Variants in HDAC4 observed in about 807,000 individuals in gnomAD.
HDAC4 encodes histone deacetylase A.
HDAC4 carries 16 observed loss-of-function variants against 135.1 expected under a neutral mutation model. The observed-to-expected ratio is 0.12, with a 90% CI of 0.08 to 0.18. HDAC4 has a LOEUF of 0.18. HDAC4 is among the 10% of genes least tolerant of loss of function. The pLI, the probability that HDAC4 is intolerant of heterozygous loss-of-function variation, is 1.00. For missense variants in HDAC4, 1,143 were observed against 1,511.8 expected, an observed-to-expected ratio of 0.76 and a Z score of 4.05; for synonymous variants, 685 against 653.4, an observed-to-expected ratio of 1.05 and a Z score of -0.74.
At position 239,209,927 on chromosome 2, in the gene HDAC4, C is replaced by T. The variant is rs142815317; in HGVS notation, c.95-19850G>A. Among the ~76,000 whole-genome samples the T allele has an allele frequency of 3.5e-3, 537 of 152,248 alleles. 2 individuals carry two copies. The highest frequency in any genetic ancestry group is 0.012 in the African/African-American group (492 of 41,534). ...GTGAGGGCGGAAAGGCAAATCAGAC[C>T]CCTGGAGACCCCACTTTACGCCCAC... On this transcript the variant is annotated intron_variant, in intron 3 of 26. Coordinates refer to ENST00000543185, the MANE Select transcript of HDAC4 (RefSeq NM_001378414.1).
intron 3 of HDAC4, among the ~76,000 whole-genome samples, chr2:239,204,382 C>T (rs1306771755): frequency 1.3e-5 from 2 of 152,206 alleles, no homozygotes; most frequent in Admixed American, 6.5e-5. Context: ...CACAGGGCTC[C>T]GTAGGGAAGG....
At chr2:239,137,023 G>A (rs1396312010) in intron 9 of HDAC4, among the ~76,000 whole-genome samples, 3 of 146,878 alleles carry the variant, frequency 2.0e-5, no homozygotes, top group Non-Finnish European at 2.9e-5. Context: ...TTATGCTGTA[G>A]AGGAAATGCT....
intron 1 of HDAC4, among the ~76,000 whole-genome samples, chr2:239,380,346 A>G (rs1575782395): frequency 5.5e-5 from 1 of 18,280 alleles, no homozygotes; most frequent in African/African-American, 1.5e-4. Flanking sequence ...AATTATACAT[A>G]TGTTATAAAT....
At chr2:239,350,873 C>G (rs567553028) in intron 2 of HDAC4, among the ~76,000 whole-genome samples, 14 of 152,286 alleles carry the variant, frequency 9.2e-5, no homozygotes, top group African/African-American at 3.4e-4. Context: ...TAAGAGCATA[C>G]TTTCTCTTCA....
rs989937277 is a variant in HDAC4, at chr2:239,342,765, G to A, written c.22+9913C>T. Among the ~76,000 whole-genome samples the A allele has an allele frequency of 3.9e-5, 6 of 152,264 alleles. No individual in the cohort carries two copies. The East Asian group carries it at 1.2e-3, about 29-fold the overall frequency. The stretch of plus-strand genomic sequence containing the variant: ...AGGGCTGAGGGAGATGAGGGAGCCT[G>A]GGGTCCAGTGAGAACAAAGCCACCA... On this transcript the variant is annotated intron_variant, in intron 2 of 26. Coordinates refer to ENST00000543185, the MANE Select transcript of HDAC4 (RefSeq NM_001378414.1).
chr2:239,230,368 C>CAAAAAAAAAAAAAAAAAAAAAAAAAAAAA (rs56105562), intron 3 of HDAC4, among the ~76,000 whole-genome samples: 7 of 79,394 alleles, frequency 8.8e-5, no homozygotes, highest in Admixed American at 3.0e-4. Flanking sequence ...AGCAAGCAAG[C>CAAAAAAAAAAAAAAAAAAAAAAAAAAAAA]AAAAAAAAAA....
chr2:239,394,330 G>A (rs947804848), intron 1 of HDAC4, among the ~76,000 whole-genome samples: 7 of 152,156 alleles, frequency 4.6e-5, no homozygotes, highest in Non-Finnish European at 1.0e-4. Flanking sequence ...ACATATTAAT[G>A]TATCATATTA....
chr2:239,289,648 A>G (rs1360124330), intron 2 of HDAC4, among the ~76,000 whole-genome samples: 1 of 152,200 alleles, frequency 6.6e-6, no homozygotes, highest in African/African-American at 2.4e-5. Context: ...GCAGCCCCTC[A>G]GCCACTGTGT....
chr2:239,153,610 G>A (rs2042246317), intron 7 of HDAC4, among the ~76,000 whole-genome samples: 1 of 152,218 alleles, frequency 6.6e-6, no homozygotes, highest in Admixed American at 6.5e-5. Flanking sequence ...ATGTGGTAGT[G>A]ATGACTTTTT....
rs1479739399 is a variant in HDAC4 at position 239,349,333 on chromosome 2, G to A, written c.22+3345C>T. ...CTCAAGGAAAAGGGACAGCGGTTCC[G>A]TGGCTGTGCTCTGACACACCTAGAA... is the stretch of plus-strand genomic sequence containing the variant. On this transcript the variant is annotated intron_variant, in intron 2 of 26. Coordinates refer to ENST00000543185, the MANE Select transcript of HDAC4 (RefSeq NM_001378414.1). The surrounding 1 kb of genome is among the most constrained non-coding windows in gnomAD (Gnocchi z 5.7). Among the ~76,000 whole-genome samples the A allele has an allele frequency of 1.3e-5, 2 of 152,356 alleles. No homozygotes were observed. The highest frequency in any genetic ancestry group is 1.5e-5 in the Non-Finnish European group (1 of 68,032).
In HDAC4 at chr2:239,084,535, C is replaced by T. The variant is rs764272004; in HGVS notation, c.2445-293G>A. 7.1e-4 allele frequency among the ~76,000 whole-genome samples: 107 copies of T among 151,196 alleles called. 1 individual carries two copies. Among genetic ancestry groups the T allele is most frequent in the Non-Finnish European group, 1.2e-3 (80 of 67,790 alleles). ...GGAATCTTAGCCAATGCCATAGGGT[C>T]GGCTAACCGACACGGACATGCACAC... On this transcript the variant is annotated intron_variant, in intron 19 of 26. Transcript: ENST00000543185.
intron 3 of HDAC4, among the ~76,000 whole-genome samples, chr2:239,194,847 C>T (rs1463910216): frequency 6.6e-6 from 1 of 152,252 alleles, no homozygotes; most frequent in Non-Finnish European, 1.5e-5. Context: ...ACTCCAGCTT[C>T]TCCAGCAGTT....
At chr2:239,188,893 C>T (rs1253899178) in intron 4 of HDAC4, among the ~76,000 whole-genome samples, 2 of 152,262 alleles carry the variant, frequency 1.3e-5, no homozygotes, top group South Asian at 2.1e-4. Context: ...GAGCTCCTCC[C>T]GCCTCAGTCC....
intron 3 of HDAC4, among the ~76,000 whole-genome samples, chr2:239,226,203 T>C (rs1407922853): frequency 6.6e-6 from 1 of 152,138 alleles, no homozygotes; most frequent in Non-Finnish European, 1.5e-5. Flanking sequence ...AGAAATGATG[T>C]CATGATGCAA....
At chr2:239,291,879 T>C (rs915463617) in intron 2 of HDAC4, among the ~76,000 whole-genome samples, 2 of 152,182 alleles carry the variant, frequency 1.3e-5, no homozygotes, top group African/African-American at 4.8e-5. Flanking sequence ...CCGATTACAT[T>C]TGCATGAAAA....
chr2:239,090,150 T>C, intron 17 of HDAC4, 34 bp from the exon 18 acceptor site: 1 of 1,485,110 alleles, frequency 6.7e-7, no homozygotes. Context: ...GAGGTCACCC[T>C]CCCAGGCCAC....
chr2:239,196,736 C>T (rs1050483113), intron 3 of HDAC4, among the ~76,000 whole-genome samples: 1 of 152,174 alleles, frequency 6.6e-6, no homozygotes, highest in African/African-American at 2.4e-5. Context: ...CCATGGTGGC[C>T]ACCTCCAGCT....
chr2:239,236,658 A>G lies in HDAC4; in HGVS notation c.29T>C (p.Leu10Pro). The G allele has an allele frequency of 6.4e-7, 1 of 1,551,612 alleles. No individual in the cohort carries two copies. The highest frequency in any genetic ancestry group is 8.7e-7 in the Non-Finnish European group (1 of 1,146,872). ...CTCCACTGGCTGGTCTCGGCCAGAA[A>G]GTCCATCTGGAGAACAGAGAAGGCA... MSSQSHPDG[L>P]SGRDQPVELL... The change falls in exon 3 of 27, where the codon CTT becomes CCT. Residue 10 changes from leucine to proline, a missense_variant. Physicochemically the swap from Leu to Pro is moderately conservative, Grantham distance 98 (BLOSUM62 -3). Around this residue, in one of 9 missense-constraint regions of HDAC4, gnomAD observed 247 missense variants for 310.0 expected, o/e 0.80. Coordinates refer to ENST00000543185, the MANE Select transcript of HDAC4 (RefSeq NM_001378414.1).
At chr2:239,093,717 T>C (rs2036734041) in intron 17 of HDAC4, among the ~76,000 whole-genome samples, 2 of 152,172 alleles carry the variant, frequency 1.3e-5, no homozygotes, top group Non-Finnish European at 2.9e-5. Context: ...CAGATCTGGA[T>C]TTAACACTTG....
Sources: gnomAD v4.1 joint callset for allele counts (sites outside exome capture counted in the v4.1 genomes callset) on GRCh38, gnomAD v4.1.1 for gene constraint, gnomAD v4.1.1 regional missense constraint, Gnocchi (gnomAD v3.1) non-coding constraint, MANE v1.5 for transcripts, NCBI Gene and HGNC (gene_info 2026-07-23, HGNC 2026-07-21) for gene names.